The following MYH15 variants were observed in gnomAD, a reference collection of about 807,000 sequenced individuals.
MYH15 encodes the protein myosin heavy chain 15, also known as myosin-15.
A neutral mutation model predicts 240.5 loss-of-function variants in MYH15; 227 were observed. The observed-to-expected ratio is 0.94, with a 90% CI of 0.85 to 1.05. MYH15 has a LOEUF of 1.05. MYH15 is among the 50% of genes least tolerant of loss of function. The pLI is 0.00. For missense variants in MYH15, 2,217 were observed against 2,247.5 expected, an observed-to-expected ratio of 0.99 and a Z score of 0.27; for synonymous variants, 785 against 796.7, an observed-to-expected ratio of 0.99 and a Z score of 0.25.
chr3:108,440,878 C>A, intron 23 of MYH15, 140 bp downstream of exon 23: 1 of 983,982 alleles, frequency 1.0e-6, no homozygotes, highest in East Asian at 2.4e-5. Flanking sequence ...ATATTTTGTG[C>A]CAGTTCTGAC....
chr3:108,501,666 A>G (rs779998090), intron 3 of MYH15, 46 bp downstream of exon 3: 14 of 1,610,638 alleles, frequency 8.7e-6, no homozygotes, highest in South Asian at 1.1e-5. Flanking sequence ...GGGACATGCA[A>G]TGTGACTGCC....
At chr3:108,456,679 A>C in intron 19 of MYH15, 87 bp downstream of exon 19, 1 of 957,274 alleles carries the variant, frequency 1.0e-6, no homozygotes, top group Non-Finnish European at 1.7e-6. Context: ...CATCAACCAA[A>C]CAAACAATGC....
chr3:108,481,040 A>T (rs1297578497), intron 11 of MYH15, among the ~76,000 whole-genome samples: 2 of 152,216 alleles, frequency 1.3e-5, no homozygotes, highest in Non-Finnish European at 2.9e-5. Context: ...GTAGAAGCAT[A>T]CTGAAAAAAA....
intron 21 of MYH15, 94 bp downstream of exon 21, chr3:108,453,912 A>G: frequency 2.4e-6 from 3 of 1,262,912 alleles, no homozygotes; most frequent in Non-Finnish European, 3.3e-6. Flanking sequence ...CAGAGGAGGC[A>G]GCTCTTGACC....
Position 108,391,885 on chromosome 3 carries a change from C to T in MYH15, c.5305G>A (p.Ala1769Thr), listed in dbSNP as rs758063978. The T allele has an allele frequency of 6.2e-7, 1 of 1,614,078 alleles. No homozygotes were observed. Among genetic ancestry groups the T allele is most frequent in the Non-Finnish European group, 8.5e-7 (1 of 1,179,976 alleles). ...TTTTCTCTTGTCCTTTCCAAGTGGG[C>T]AATGGTGTCTTGCTTCTTCTTCAGT... ...EELKKKQDTI[A>T]HLERTRENME... Residue 1769 changes from alanine to threonine, a missense_variant, in exon 37 of 41, where the codon GCC becomes ACC. Ala to Thr is a moderately conservative substitution (Grantham distance 58). Transcript: ENST00000693548.
intron 4 of MYH15, 108 bp from the exon 5 acceptor site, chr3:108,499,590 A>T: frequency 2.8e-6 from 3 of 1,065,448 alleles, no homozygotes; most frequent in Admixed American, 3.8e-5. Flanking sequence ...GACACAAGGG[A>T]AAGGATTAGC....
chr3:108,513,017 G>A (rs2083532863), upstream of MYH15, among the ~76,000 whole-genome samples: 1 of 152,002 alleles, frequency 6.6e-6, no homozygotes, highest in Admixed American at 6.6e-5. Flanking sequence ...CTGACCTCTG[G>A]GTCCCTTTAG....
chr3:108,403,626 T>C (rs1560322807), intron 33 of MYH15, among the ~76,000 whole-genome samples: 1 of 152,112 alleles, frequency 6.6e-6, no homozygotes. Flanking sequence ...AGAAAGGGTC[T>C]GGGCTGGTAT....
At chr3:108,550,056 A>T in the MYH15 span, 3 of 152,132 alleles carry the variant, frequency 2.0e-5, no homozygotes, top group African/African-American at 7.2e-5. Context: ...ATCTAAATTC[A>T]CTTAAATCAA....
chr3:108,536,301 G>T, the MYH15 span, among the ~76,000 whole-genome samples: 2 of 151,454 alleles, frequency 1.3e-5, no homozygotes, highest in Non-Finnish European at 2.9e-5. Context: ...ACAATTGCAT[G>T]TTTAAGACAG....
chr3:108,467,434 C>A (rs1327251655), intron 14 of MYH15, among the ~76,000 whole-genome samples: 2 of 152,082 alleles, frequency 1.3e-5, no homozygotes, highest in Non-Finnish European at 2.9e-5. Flanking sequence ...ATACCTGATA[C>A]TATTGACTAC....
chr3:108,519,480 C>A (rs1349255366), intron 1 of MYH15, among the ~76,000 whole-genome samples: 1 of 152,076 alleles, frequency 6.6e-6, no homozygotes, highest in African/African-American at 2.4e-5. Flanking sequence ...ACATGATTGG[C>A]TCACATTCAC....
At chr3:108,402,559 C>T (rs2082513830) in intron 33 of MYH15, among the ~76,000 whole-genome samples, 1 of 152,228 alleles carries the variant, frequency 6.6e-6, no homozygotes, top group Non-Finnish European at 1.5e-5. Flanking sequence ...AAGCATTTAA[C>T]ATCTGACCCT....
At chr3:108,431,734 T>C (rs2082780894) in intron 25 of MYH15, among the ~76,000 whole-genome samples, 1 of 152,158 alleles carries the variant, frequency 6.6e-6, no homozygotes, top group Admixed American at 6.5e-5. Context: ...TGGAACAGTT[T>C]GGAGGGCTCA....
At chr3:108,419,887 C>T (rs1348636238) in intron 28 of MYH15, among the ~76,000 whole-genome samples, 2 of 151,730 alleles carry the variant, frequency 1.3e-5, no homozygotes, top group African/African-American at 4.8e-5. Context: ...TTTCATTGAC[C>T]TAAGAATTCT....
chr3:108,495,287 C>T (rs945998504), intron 7 of MYH15, among the ~76,000 whole-genome samples: 1 of 152,148 alleles, frequency 6.6e-6, no homozygotes, highest in Non-Finnish European at 1.5e-5. Flanking sequence ...CTTAAAAATA[C>T]TTTCTCCCCA....
chr3:108,419,116 C>T (rs950280067), intron 28 of MYH15, among the ~76,000 whole-genome samples: 1 of 152,150 alleles, frequency 6.6e-6, no homozygotes, highest in Non-Finnish European at 1.5e-5. Context: ...GAGACTAATA[C>T]ATCACGTATA....
intron 35 of MYH15, among the ~76,000 whole-genome samples, chr3:108,397,514 A>G (rs1246189950): frequency 6.6e-6 from 1 of 152,138 alleles, no homozygotes; most frequent in Non-Finnish European, 1.5e-5. Flanking sequence ...GCTTAGTTCA[A>G]TCTTCATTTT....
chr3:108,476,005 G>A (rs1438442207), intron 12 of MYH15, among the ~76,000 whole-genome samples: 2 of 152,162 alleles, frequency 1.3e-5, no homozygotes, highest in South Asian at 2.1e-4. Flanking sequence ...GTGTCACCAT[G>A]TGTCTTTTAT....
Sources: gnomAD v4.1 joint callset for allele counts (sites outside exome capture counted in the v4.1 genomes callset) on GRCh38, gnomAD v4.1.1 for gene constraint, MANE v1.5 for transcripts, NCBI Gene and HGNC (gene_info 2026-07-23, HGNC 2026-07-21) for gene names.